Variants in PDLIM1 observed in about 807,000 individuals in gnomAD.
The protein encoded by PDLIM1 is PDZ and LIM domain protein 1.
Under a neutral mutation model 35.2 loss-of-function variants are expected in PDLIM1, and 25 were observed. That is an observed-to-expected ratio of 0.71 (90% CI 0.52 to 0.99). PDLIM1 has a LOEUF of 0.99. Among genes scored for constraint, PDLIM1 ranks in the 50% least tolerant of loss-of-function variants. The probability of loss-of-function intolerance (pLI) is 0.00; values close to 1 mark genes in which losing one functional copy is unlikely to be tolerated. For synonymous variants in PDLIM1, 152 were observed against 154.0 expected, an observed-to-expected ratio of 0.99 and a Z score of 0.10; for missense variants, 363 against 415.3, an observed-to-expected ratio of 0.87 and a Z score of 1.09.
chr10:95,251,123 G>A (rs929988587), intron 4 of PDLIM1, among the ~76,000 whole-genome samples: 2 of 152,164 alleles, frequency 1.3e-5, no homozygotes, highest in Non-Finnish European at 2.9e-5. Flanking sequence ...AGGACGAGGA[G>A]GATGGAAAGC....
rs576988342 is a variant in PDLIM1 at position 95,257,457 on chromosome 10, T to A, written c.533+6407A>T. Among the ~76,000 whole-genome samples the A allele has an allele frequency of 1.3e-4, 19 of 151,194 alleles. No homozygotes were observed. In the Admixed American group the frequency reaches 1.3e-3, roughly 10 times the overall value. ...TCCAGAATATATAAAAAAAAACTCC[T>A]ACAACTCAACAAAAAACAAATAGCT... On this transcript the variant is annotated intron_variant, in intron 4 of 6. Transcript: ENST00000329399.
intron 4 of PDLIM1, among the ~76,000 whole-genome samples, chr10:95,256,894 G>C (rs770191825): frequency 6.6e-6 from 1 of 151,122 alleles, no homozygotes; most frequent in Non-Finnish European, 1.5e-5. Flanking sequence ...AGAATCACTT[G>C]AACCCAGGAG....
chr10:95,250,369 C>A (rs1383925505), intron 4 of PDLIM1, among the ~76,000 whole-genome samples: 6 of 150,110 alleles, frequency 4.0e-5, no homozygotes, highest in African/African-American at 1.5e-4. Context: ...AAAAAAAAAA[C>A]TTACCATTTT....
At chr10:95,247,157 A>AGT in intron 5 of PDLIM1, 58 bp downstream of exon 5, 2 of 1,503,500 alleles carry the variant, frequency 1.3e-6, no homozygotes, top group South Asian at 2.5e-5. Context: ...TTCCACAATG[A>AGT]CTGACTCTCA....
chr10:95,286,284 G>A (rs181988985), intron 1 of PDLIM1, among the ~76,000 whole-genome samples: 6 of 152,058 alleles, frequency 3.9e-5, no homozygotes, highest in African/African-American at 1.2e-4. Flanking sequence ...TTGAACCCAG[G>A]GGGTGGAGGT....
At chr10:95,281,021 G>C (rs1050714045) in intron 1 of PDLIM1, among the ~76,000 whole-genome samples, 1 of 152,168 alleles carries the variant, frequency 6.6e-6, no homozygotes, top group African/African-American at 2.4e-5. Context: ...CCTTTTTAAA[G>C]CTTCCCAGAA....
At chr10:95,280,205 G>A (rs45478591) in intron 1 of PDLIM1, among the ~76,000 whole-genome samples, 84 of 152,118 alleles carry the variant, frequency 5.5e-4, no homozygotes, top group African/African-American at 1.6e-3. Flanking sequence ...GCAAAACCCC[G>A]TCTCTACTAA....
chr10:95,271,538 G>C, intron 2 of PDLIM1, 95 bp downstream of exon 2: 1 of 1,034,996 alleles, frequency 9.7e-7, no homozygotes, highest in Non-Finnish European at 1.4e-6. Context: ...ACTGAGCTAG[G>C]AGGTCTGGGG....
chr10:95,239,798 T>C (rs1163840700), intron 5 of PDLIM1, among the ~76,000 whole-genome samples: 1 of 151,406 alleles, frequency 6.6e-6, no homozygotes, highest in Non-Finnish European at 1.5e-5. Flanking sequence ...TCCATCTCAA[T>C]AAAAGAAAAA....
chr10:95,252,854 T>C (rs1288513640), intron 4 of PDLIM1, among the ~76,000 whole-genome samples: 1 of 150,824 alleles, frequency 6.6e-6, no homozygotes, highest in Non-Finnish European at 1.5e-5. Context: ...AAAAATAGAA[T>C]GGGGAGAAAA....
At chr10:95,265,463 C>T (rs529958534) in intron 3 of PDLIM1, among the ~76,000 whole-genome samples, 30 of 151,828 alleles carry the variant, frequency 2.0e-4, no homozygotes, top group Non-Finnish European at 2.1e-4. Flanking sequence ...GACATGGTGG[C>T]GCATGCCTGT....
chr10:95,259,502 T>C (rs931492791), intron 4 of PDLIM1, among the ~76,000 whole-genome samples: 8 of 152,142 alleles, frequency 5.3e-5, no homozygotes, highest in Admixed American at 1.3e-4. Flanking sequence ...AAGGGAAGCC[T>C]GGCCTGTGTG....
chr10:95,264,925 C>G (rs1415842292), intron 3 of PDLIM1, among the ~76,000 whole-genome samples: 1 of 148,310 alleles, frequency 6.7e-6, no homozygotes, highest in African/African-American at 2.5e-5. Context: ...CTTTTTCTTT[C>G]CCTCCTGCCA....
chr10:95,258,037 A>G (rs960679710), intron 4 of PDLIM1, among the ~76,000 whole-genome samples: 15 of 152,338 alleles, frequency 9.8e-5, no homozygotes, highest in African/African-American at 3.6e-4. Flanking sequence ...TGGTGGAAGG[A>G]GGAGCAAGTC....
intron 3 of PDLIM1, 121 bp from the exon 4 acceptor site, chr10:95,264,184 C>A: frequency 1.3e-6 from 1 of 755,284 alleles, no homozygotes; most frequent in Non-Finnish European, 2.2e-6. Flanking sequence ...TAGTTCAACC[C>A]AAACTTTAGC....
chr10:95,259,224 C>T (rs1723006649), intron 4 of PDLIM1, among the ~76,000 whole-genome samples: 1 of 151,964 alleles, frequency 6.6e-6, no homozygotes, highest in South Asian at 2.1e-4. Flanking sequence ...TGTATTATTT[C>T]CTATAACTGC....
intron 5 of PDLIM1, among the ~76,000 whole-genome samples, chr10:95,240,191 C>G (rs1253506892): frequency 1.3e-5 from 2 of 152,170 alleles, no homozygotes; most frequent in Non-Finnish European, 1.5e-5. Flanking sequence ...TGCACTCTTA[C>G]GTTCATCACA....
At chr10:95,255,987 A>G (rs145958674) in intron 4 of PDLIM1, among the ~76,000 whole-genome samples, 282 of 152,102 alleles carry the variant, frequency 1.9e-3, no homozygotes, top group African/African-American at 6.6e-3. Flanking sequence ...CAAAATCAAC[A>G]AACAAAAAAG....
rs56009233 is a variant in PDLIM1 at position 95,287,914 on chromosome 10, T to TCACA, written c.96+2902_96+2905dup. ...AACATTAAGGAGCTAAAGAAGCTGT[T>TCACA]CACACACACACACACGTGTTCTGTA... On this transcript the variant is annotated intron_variant, in intron 1 of 6. Coordinates refer to ENST00000329399, the MANE Select transcript of PDLIM1 (RefSeq NM_020992.4). Among the ~76,000 whole-genome samples the TCACA allele has an allele frequency of 3.3e-4, 50 of 150,456 alleles. 1 individual carries two copies. The highest frequency in any genetic ancestry group is 2.7e-3 in the East Asian group (14 of 5,160).
Sources: allele counts gnomAD v4.1 joint callset (sites outside exome capture counted in the v4.1 genomes callset), GRCh38; gene constraint gnomAD v4.1.1; transcripts MANE v1.5; gene names NCBI Gene and HGNC (gene_info 2026-07-23, HGNC 2026-07-21).